Variants in ASZ1 observed in about 807,000 individuals in gnomAD.
ASZ1 encodes the protein ankyrin repeat, SAM and basic leucine zipper domain containing 1.
In ASZ1, 67 loss-of-function variants were observed where a neutral mutation model predicts 61.8. The ratio of observed to expected loss-of-function variants is 1.08; its 90% CI spans 0.89 to 1.33. The LOEUF (loss-of-function observed/expected upper bound fraction) is 1.33, where lower values mean the gene tolerates loss of function less well. ASZ1 is among the 40% of genes most tolerant of loss of function. ASZ1 has a pLI of 0.00. For synonymous variants in ASZ1, 193 were observed against 192.7 expected, an observed-to-expected ratio of 1.00 and a Z score of -0.01; for missense variants, 577 against 554.5, an observed-to-expected ratio of 1.04 and a Z score of -0.41.
At position 117,382,100 on chromosome 7, in the gene ASZ1, A is replaced by C. The variant is rs1796265183; in HGVS notation, c.857T>G (p.Leu286Arg). The stretch of plus-strand genomic sequence containing the variant: ...TAAATCTGTCATATGTTCAAGTCCA[A>C]GACCATGTAAAAATACTTCCAGATC... ...FGDLEVFLHG[L>R]GLEHMTDLLK... The change falls in exon 8 of 13, where the codon CTT (leucine) becomes CGT (arginine). Residue 286 changes from leucine to arginine, a missense_variant. Coordinates refer to ENST00000284629, the MANE Select transcript of ASZ1 (RefSeq NM_130768.3). The C allele has an allele frequency of 8.8e-6, 14 of 1,599,116 alleles. No homozygotes were observed. The highest frequency in any genetic ancestry group is 1.2e-5 in the Non-Finnish European group (14 of 1,166,872).
At chr7:117,379,320 G>A (rs566625368) in intron 10 of ASZ1, among the ~76,000 whole-genome samples, 78 of 151,252 alleles carry the variant, frequency 5.2e-4, no homozygotes, top group Middle Eastern at 3.4e-3. Flanking sequence ...GGTACAGAAT[G>A]CATGGGACTT....
intron 12 of ASZ1, among the ~76,000 whole-genome samples, chr7:117,365,511 T>C (rs950464718): frequency 3.3e-5 from 5 of 152,212 alleles, no homozygotes; most frequent in African/African-American, 1.2e-4. Flanking sequence ...CCCATGTTTT[T>C]AGTTCATCTT....
intron 4 of ASZ1, among the ~76,000 whole-genome samples, chr7:117,391,948 G>A (rs1796478893): frequency 6.6e-6 from 1 of 151,748 alleles, no homozygotes; most frequent in Non-Finnish European, 1.5e-5. Flanking sequence ...TGCACCACCA[G>A]GCCCAGCAAA....
chr7:117,411,642 A>G (rs1225367589), intron 4 of ASZ1, among the ~76,000 whole-genome samples: 6 of 151,878 alleles, frequency 4.0e-5, no homozygotes, highest in Non-Finnish European at 8.9e-5. Flanking sequence ...TACAGAATTA[A>G]CGCGTACCAA....
chr7:117,373,647 C>A (rs1486809412), intron 10 of ASZ1, among the ~76,000 whole-genome samples: 2 of 152,192 alleles, frequency 1.3e-5, no homozygotes, highest in African/African-American at 4.8e-5. Context: ...TTTTCCATAA[C>A]AGCATGTAAA....
At chr7:117,367,946 A>G in intron 11 of ASZ1, 3 of 863,538 alleles carry the variant, frequency 3.5e-6, no homozygotes, top group Non-Finnish European at 4.2e-6. Context: ...CAGTGGTGCA[A>G]TCATGGCTCA....
At chr7:117,410,174 CTT>C (rs1478281062) in intron 4 of ASZ1, among the ~76,000 whole-genome samples, 3 of 151,606 alleles carry the variant, frequency 2.0e-5, no homozygotes, top group African/African-American at 7.2e-5. Context: ...TTTTTAGAAA[CTT>C]GTTATATTTA....
intron 2 of ASZ1, among the ~76,000 whole-genome samples, chr7:117,426,017 A>C (rs545187036): frequency 3.0e-4 from 45 of 152,066 alleles, no homozygotes; most frequent in African/African-American, 9.9e-4. Flanking sequence ...CCCAAAAATG[A>C]AATCTGATGC....
intron 4 of ASZ1, among the ~76,000 whole-genome samples, chr7:117,396,125 G>A (rs1796571345): frequency 6.6e-6 from 1 of 152,222 alleles, no homozygotes; most frequent in African/African-American, 2.4e-5. Flanking sequence ...CTTTATATGA[G>A]CATAAAATAG....
chr7:117,424,354 A>T (rs1294913746), intron 2 of ASZ1, among the ~76,000 whole-genome samples: 2 of 152,216 alleles, frequency 1.3e-5, no homozygotes, highest in Non-Finnish European at 2.9e-5. Flanking sequence ...CAATATTTTT[A>T]AAAAGAGTTA....
At chr7:117,363,879 T>A in intron 12 of ASZ1, 131 bp from the exon 13 acceptor site, 1 of 681,448 alleles carries the variant, frequency 1.5e-6, no homozygotes. Context: ...CAACTCAAGA[T>A]TCCCATGGAA....
intron 10 of ASZ1, among the ~76,000 whole-genome samples, chr7:117,379,166 T>TACACAC (rs1314835634): frequency 1.3e-4 from 8 of 61,728 alleles, no homozygotes; most frequent in Admixed American, 3.6e-4. Context: ...TATATATATA[T>TACACAC]ATACACACAC....
At chr7:117,397,163 C>A (rs1276995941) in intron 4 of ASZ1, among the ~76,000 whole-genome samples, 1 of 152,040 alleles carries the variant, frequency 6.6e-6, no homozygotes. Context: ...ATCTCTTGAG[C>A]CCAGGAGTTC....
chr7:117,425,907 T>C (rs1309140502), intron 2 of ASZ1, among the ~76,000 whole-genome samples: 1 of 151,988 alleles, frequency 6.6e-6, no homozygotes, highest in Admixed American at 6.5e-5. Context: ...GGAGAATCAC[T>C]TGAATCCCGG....
At chr7:117,415,884 A>T (rs1796981218) in intron 4 of ASZ1, among the ~76,000 whole-genome samples, 1 of 152,228 alleles carries the variant, frequency 6.6e-6, no homozygotes, top group South Asian at 2.1e-4. Context: ...TCAATAAACA[A>T]TTCAGTAGGT....
chr7:117,380,068 G>A, intron 9 of ASZ1, 21 bp from the exon 10 acceptor site: 2 of 1,462,282 alleles, frequency 1.4e-6, no homozygotes, highest in East Asian at 2.3e-5. Context: ...ATAATTTTAA[G>A]GTACAGTAAG....
intron 4 of ASZ1, among the ~76,000 whole-genome samples, chr7:117,412,129 T>A (rs1433211459): frequency 6.6e-6 from 1 of 150,930 alleles, no homozygotes; most frequent in Non-Finnish European, 1.5e-5. Flanking sequence ...TAAAAAGGAT[T>A]AGGGACATTT....
chr7:117,420,617 G>T (rs1298086740), intron 3 of ASZ1, among the ~76,000 whole-genome samples: 1 of 152,176 alleles, frequency 6.6e-6, no homozygotes, highest in African/African-American at 2.4e-5. Flanking sequence ...ACTCATGTTT[G>T]GGAAACAATG....
chr7:117,389,354 G>C (rs959143402), intron 4 of ASZ1, among the ~76,000 whole-genome samples: 1 of 152,064 alleles, frequency 6.6e-6, no homozygotes, highest in Admixed American at 6.5e-5. Flanking sequence ...GGATTCTCTA[G>C]TGTCTATTTT....
Sources: gnomAD v4.1 joint callset for allele counts (sites outside exome capture counted in the v4.1 genomes callset) on GRCh38, gnomAD v4.1.1 for gene constraint, MANE v1.5 for transcripts, NCBI Gene and HGNC (gene_info 2026-07-23, HGNC 2026-07-21) for gene names.